SCYL2: variants seen among roughly 807,000 people sequenced by gnomAD.
The protein encoded by SCYL2 is SCY1 like pseudokinase 2.
SCYL2 carries 36 observed loss-of-function variants against 100.4 expected under a neutral mutation model. The observed-to-expected ratio is 0.36, with a 90% confidence interval of 0.27 to 0.47. The LOEUF is 0.47. Among genes scored for constraint, SCYL2 ranks in the 20% least tolerant of loss-of-function variants. The probability of loss-of-function intolerance (pLI) is 1.00; values close to 1 mark genes in which losing one functional copy is unlikely to be tolerated. For missense variants in SCYL2, 902 were observed against 1,083.9 expected (o/e 0.83, Z 2.36); for synonymous variants, 330 against 359.2 (o/e 0.92, Z 0.92).
chr12:100,289,071 T>G (rs2096307636), intron 2 of SCYL2, among the ~76,000 whole-genome samples: 1 of 152,124 alleles, frequency 6.6e-6, no homozygotes, highest in African/African-American at 2.4e-5. Flanking sequence ...AAAATAAGAT[T>G]GTGCACATGA....
chr12:100,291,406 A>C, intron 2 of SCYL2, 97 bp from the exon 3 acceptor site: 1 of 830,418 alleles, frequency 1.2e-6, no homozygotes, highest in Non-Finnish European at 1.8e-6. Flanking sequence ...ATGGTGCTAA[A>C]ATTTTTATGG....
chr12:100,274,706 G>A (rs1325180701), intron 1 of SCYL2, among the ~76,000 whole-genome samples: 2 of 152,092 alleles, frequency 1.3e-5, no homozygotes, highest in Non-Finnish European at 2.9e-5. Flanking sequence ...TTAGTCAAGT[G>A]GGAAAAAATT....
chr12:100,295,031 G>A (rs1325797107), intron 3 of SCYL2, among the ~76,000 whole-genome samples: 80 of 151,614 alleles, frequency 5.3e-4, no homozygotes, highest in Admixed American at 8.5e-4. Flanking sequence ...GGTCGCGGCC[G>A]GGCAGAGGCG....
At position 100,315,674 on chromosome 12, in the gene SCYL2, A is replaced by C. The variant is rs761981058; in HGVS notation, c.1212A>C (p.Glu404Asp). The C allele has an allele frequency of 6.2e-7, 1 of 1,612,264 alleles. No individual in the cohort carries two copies. The highest frequency in any genetic ancestry group is 1.3e-5 in the African/African-American group (1 of 74,920). ...TTGCTGAGGAATGCACCAAAGAAGAATATGTCAAATTAATTCTTCCTGAAC... is the reference window on the plus strand; with the variant it reads ...TTGCTGAGGAATGCACCAAAGAAGACTATGTCAAATTAATTCTTCCTGAAC... The part of the protein sequence containing the change: ...LLIAEECTKE[E>D]YVKLILPELG... Residue 404 changes from glutamate to aspartate, a missense_variant, in exon 9 of 18, where the codon GAA becomes GAC. Glu to Asp is a conservative substitution (Grantham distance 45). Coordinates refer to ENST00000360820, the MANE Select transcript of SCYL2 (RefSeq NM_017988.6).
chr12:100,289,766 T>C (rs1292185699), intron 2 of SCYL2, among the ~76,000 whole-genome samples: 1 of 152,218 alleles, frequency 6.6e-6, no homozygotes, highest in Non-Finnish European at 1.5e-5. Context: ...GAAACTGGGC[T>C]CTTGATCACT....
At chr12:100,296,894 C>T (rs1054207545) in intron 3 of SCYL2, 2 of 152,124 alleles carry the variant, frequency 1.3e-5, no homozygotes, top group Admixed American at 6.5e-5. Flanking sequence ...CACCTTCAAC[C>T]TAAGTTCTGT....
chr12:100,339,280 C>G lies in SCYL2; in HGVS notation c.*108C>G. 1 of 1,067,902 alleles carries G rather than the reference C, an allele frequency of 9.4e-7. No homozygotes were observed. 66.2% of individuals were successfully genotyped at this position (1,067,902 alleles called of 1,614,324 possible). A position where few individuals can be genotyped will look rare whatever the true frequency, so the allele number is the denominator to read the frequency against. Reference sequence around the variant, plus strand: ...GGAAGTACTTCTATGGGAAAGTGAACAGTTCTGTGACAGGAAACATCTCTG... The same window carrying G: ...GGAAGTACTTCTATGGGAAAGTGAAGAGTTCTGTGACAGGAAACATCTCTG... On this transcript the variant is annotated 3_prime_UTR_variant, in exon 18 of 18. Transcript: ENST00000360820.
chr12:100,282,172 G>A (rs543129144), intron 1 of SCYL2, among the ~76,000 whole-genome samples: 1 of 151,496 alleles, frequency 6.6e-6, no homozygotes, highest in Non-Finnish European at 1.5e-5. Flanking sequence ...TTGTGGGCAC[G>A]CGCCACCATG....
At chr12:100,269,255 T>C (rs534463998) in intron 1 of SCYL2, among the ~76,000 whole-genome samples, 63 of 152,190 alleles carry the variant, frequency 4.1e-4, no homozygotes, top group Middle Eastern at 6.8e-3. Context: ...TCACCCTGTC[T>C]TTTCTGTTCT....
chr12:100,318,364 T>C (rs2096351704), intron 10 of SCYL2, among the ~76,000 whole-genome samples: 1 of 147,836 alleles, frequency 6.8e-6, no homozygotes, highest in Non-Finnish European at 1.5e-5. Context: ...TGAGTCTTGC[T>C]CTGTCGCCCA....
chr12:100,290,354 A>G (rs1273188768), intron 2 of SCYL2, among the ~76,000 whole-genome samples: 2 of 152,128 alleles, frequency 1.3e-5, no homozygotes, highest in Non-Finnish European at 2.9e-5. Flanking sequence ...TTACAGTGCT[A>G]AATAATTCCT....
At chr12:100,317,236 A>G (rs2096349957) in intron 9 of SCYL2, among the ~76,000 whole-genome samples, 1 of 152,222 alleles carries the variant, frequency 6.6e-6, no homozygotes, top group African/African-American at 2.4e-5. Context: ...GACAACTTAA[A>G]AACATTTTTT....
intron 4 of SCYL2, among the ~76,000 whole-genome samples, chr12:100,304,616 G>A (rs550332593): frequency 1.3e-5 from 2 of 152,248 alleles, no homozygotes; most frequent in African/African-American, 2.4e-5. Context: ...AAACCAGCTA[G>A]CATCATAATG....
rs543846144 is a variant in SCYL2 at position 100,267,356 on chromosome 12, G to A, written c.-465G>A. On this transcript the variant is annotated 5_prime_UTR_variant, in exon 1 of 18. Transcript: ENST00000360820. ...GGAGGCGTTTATTAGGGGGGCGGGG[G>A]GAAAGAGCCCCAGCACCGCCCCTCC... The A allele has an allele frequency of 1.8e-5, 6 of 334,858 alleles. No individual in the cohort carries two copies. The highest frequency in any genetic ancestry group is 3.3e-5 in the Non-Finnish European group (6 of 182,342). 20.7% of individuals were successfully genotyped at this position (334,858 alleles called of 1,614,324 possible).
At chr12:100,316,918 A>G (rs1474840972) in intron 9 of SCYL2, among the ~76,000 whole-genome samples, 2 of 152,176 alleles carry the variant, frequency 1.3e-5, no homozygotes, top group South Asian at 2.1e-4. Flanking sequence ...CCTGGGCAAC[A>G]TGGTGAAACC....
chr12:100,341,391 A>G lies in SCYL2; in HGVS notation c.*2219A>G, dbSNP rs1388740287. 1.3e-5 allele frequency: 2 copies of G among 152,298 alleles called. No homozygotes were observed. The highest frequency in any genetic ancestry group is 2.4e-5 in the African/African-American group (1 of 41,574). 9.4% of individuals were successfully genotyped at this position (152,298 alleles called of 1,614,324 possible). On this transcript the variant is annotated 3_prime_UTR_variant, in exon 18 of 18. Coordinates refer to ENST00000360820, the MANE Select transcript of SCYL2 (RefSeq NM_017988.6). ...GTTTAGAGTAGAAAATGTTTAGGTT[A>G]AAGAGCATCTGTCAACAGAATCTAC...
At chr12:100,308,328 T>A (rs1009476579) in intron 4 of SCYL2, among the ~76,000 whole-genome samples, 31 of 152,270 alleles carry the variant, frequency 2.0e-4, no homozygotes, top group Middle Eastern at 3.4e-3. Context: ...TGAGTTCACG[T>A]CCTTTGCAGG....
chr12:100,287,415 T>TC, intron 2 of SCYL2, among the ~76,000 whole-genome samples: 1 of 152,198 alleles, frequency 6.6e-6, no homozygotes, highest in Admixed American at 6.5e-5. Flanking sequence ...CACCTCAGCC[T>TC]CCCAAGTAAC....
chr12:100,271,092 C>T (rs1395858823), intron 1 of SCYL2, among the ~76,000 whole-genome samples: 3 of 151,846 alleles, frequency 2.0e-5, no homozygotes, highest in Admixed American at 1.3e-4. Flanking sequence ...TAAGATTAAA[C>T]ATGATTTCTG....
Sources: gnomAD v4.1 joint callset for allele counts (sites outside exome capture counted in the v4.1 genomes callset) on GRCh38, gnomAD v4.1.1 for gene constraint, MANE v1.5 for transcripts, NCBI Gene and HGNC (gene_info 2026-07-23, HGNC 2026-07-21) for gene names.